The following LRP1B variants were observed in gnomAD, a reference collection of about 807,000 sequenced individuals.
The protein encoded by LRP1B is low-density lipoprotein receptor-related protein 1B.
A neutral mutation model predicts 556.6 loss-of-function variants in LRP1B; 217 were observed. The ratio of observed to expected loss-of-function variants is 0.39; its 90% confidence interval spans 0.35 to 0.44. LRP1B has a LOEUF of 0.44. LRP1B is among the 20% of genes least tolerant of loss of function. The probability of loss-of-function intolerance (pLI) is 1.00; values close to 1 mark genes in which losing one functional copy is unlikely to be tolerated. For missense variants in LRP1B, 5,053 were observed against 5,620.8 expected (o/e 0.90, Z 3.23); for synonymous variants, 2,047 against 1,865.8 (o/e 1.10, Z -2.50).
intron 7 of LRP1B, among the ~76,000 whole-genome samples, chr2:141,127,210 A>G (rs1200690330): frequency 6.6e-6 from 1 of 152,160 alleles, no homozygotes; most frequent in Non-Finnish European, 1.5e-5. Context: ...CACCAGTTAG[A>G]ATGGTGATAA....
At chr2:141,668,473 G>C (rs571235277) in intron 2 of LRP1B, among the ~76,000 whole-genome samples, 1 of 152,290 alleles carries the variant, frequency 6.6e-6, no homozygotes, top group South Asian at 2.1e-4. Context: ...CAGAAGAGAA[G>C]AGGAACAGAA....
intron 3 of LRP1B, among the ~76,000 whole-genome samples, chr2:141,308,557 T>C (rs1391393979): frequency 6.6e-6 from 1 of 152,216 alleles, no homozygotes; most frequent in Non-Finnish European, 1.5e-5. Flanking sequence ...AGGGATTTTA[T>C]ACTTTAAATG....
At chr2:141,631,043 AG>A (rs1454625163) in intron 2 of LRP1B, among the ~76,000 whole-genome samples, 4 of 152,176 alleles carry the variant, frequency 2.6e-5, no homozygotes, top group African/African-American at 7.2e-5. Flanking sequence ...TAATTTACAA[AG>A]GAAAGAGGTT....
At chr2:141,525,682 T>C (rs1000626491) in intron 2 of LRP1B, among the ~76,000 whole-genome samples, 1 of 151,996 alleles carries the variant, frequency 6.6e-6, no homozygotes, top group African/African-American at 2.4e-5. Context: ...GGAACTGATA[T>C]GCCATACTAA....
intron 2 of LRP1B, among the ~76,000 whole-genome samples, chr2:141,771,684 G>A (rs1016835811): frequency 2.0e-5 from 3 of 152,268 alleles, no homozygotes; most frequent in Non-Finnish European, 2.9e-5. Flanking sequence ...AATCCCCAAC[G>A]TAATGGTATT....
At chr2:140,425,051 A>T (rs1386310235) in intron 66 of LRP1B, among the ~76,000 whole-genome samples, 3 of 150,190 alleles carry the variant, frequency 2.0e-5, no homozygotes, top group Admixed American at 1.3e-4. Context: ...TCTTGGAGGG[A>T]CGTTTTTTTT....
intron 6 of LRP1B, among the ~76,000 whole-genome samples, chr2:141,191,038 G>A (rs1157591532): frequency 6.6e-6 from 1 of 151,864 alleles, no homozygotes; most frequent in Admixed American, 6.6e-5. Context: ...TTCCAAAGAT[G>A]GTGGGAAACA....
At chr2:142,012,204 T>A (rs1702978984) in intron 1 of LRP1B, among the ~76,000 whole-genome samples, 2 of 152,058 alleles carry the variant, frequency 1.3e-5, no homozygotes, top group Non-Finnish European at 2.9e-5. Flanking sequence ...TTTCACATTT[T>A]AGTTTTGATT....
At chr2:140,964,107 A>G (rs1266093783) in intron 18 of LRP1B, among the ~76,000 whole-genome samples, 2 of 151,934 alleles carry the variant, frequency 1.3e-5, no homozygotes, top group South Asian at 2.1e-4. Context: ...TCCACTGGAC[A>G]GGGGGCCCTT....
At chr2:140,546,438 T>A (rs62171873) in intron 43 of LRP1B, among the ~76,000 whole-genome samples, 1 of 151,916 alleles carries the variant, frequency 6.6e-6, no homozygotes, top group African/African-American at 2.4e-5. Flanking sequence ...GACCCACAGT[T>A]CAGCATGGCT....
At chr2:141,337,714 C>T (rs938037023) in intron 3 of LRP1B, among the ~76,000 whole-genome samples, 1 of 152,086 alleles carries the variant, frequency 6.6e-6, no homozygotes, top group African/African-American at 2.4e-5. Flanking sequence ...ATGGTTTTGG[C>T]ATTATTGTTT....
intron 32 of LRP1B, among the ~76,000 whole-genome samples, chr2:140,800,859 T>G (rs1690482829): frequency 6.6e-6 from 1 of 152,222 alleles, no homozygotes; most frequent in Non-Finnish European, 1.5e-5. Flanking sequence ...TTATACATCT[T>G]TCCTCTTACT....
intron 32 of LRP1B, among the ~76,000 whole-genome samples, chr2:140,795,621 G>T (rs1033086556): frequency 6.6e-6 from 1 of 151,990 alleles, no homozygotes; most frequent in Admixed American, 6.6e-5. Context: ...TGATATTCAG[G>T]CACTCATTAT....
intron 2 of LRP1B, among the ~76,000 whole-genome samples, chr2:141,531,838 G>C (rs543103149): frequency 4.8e-5 from 7 of 144,968 alleles, no homozygotes; most frequent in Non-Finnish European, 1.1e-4. Context: ...TTTTTGTAGG[G>C]GCATCCCACA....
chr2:141,695,127 AT>A (rs1208398281), intron 2 of LRP1B, among the ~76,000 whole-genome samples: 1 of 151,712 alleles, frequency 6.6e-6, no homozygotes, highest in South Asian at 2.1e-4. Flanking sequence ...CATGCCATTT[AT>A]TTTTTCCCAT....
chr2:141,292,921 C>A (rs1273158779), intron 3 of LRP1B, among the ~76,000 whole-genome samples: 2 of 152,034 alleles, frequency 1.3e-5, no homozygotes, highest in African/African-American at 4.8e-5. Context: ...ATAATATACC[C>A]TATTAGTTTA....
chr2:140,410,285 T>C (rs565937924), intron 66 of LRP1B, among the ~76,000 whole-genome samples: 2 of 152,254 alleles, frequency 1.3e-5, no homozygotes, highest in Admixed American at 1.3e-4. Context: ...TACATATCAA[T>C]AAATGATCAC....
chr2:141,639,329 T>C (rs1689229457), intron 2 of LRP1B, among the ~76,000 whole-genome samples: 9 of 23,330 alleles, frequency 3.9e-4, no homozygotes, highest in Middle Eastern at 0.022. Context: ...TATATATATA[T>C]ATATATATAT....
intron 2 of LRP1B, among the ~76,000 whole-genome samples, chr2:141,697,080 C>T (rs559215929): frequency 1.4e-4 from 21 of 151,748 alleles, no homozygotes; most frequent in Non-Finnish European, 1.9e-4. Flanking sequence ...GCTAGCCAGA[C>T]ATGTTTAAAC....
Sources: allele counts gnomAD v4.1 joint callset (sites outside exome capture counted in the v4.1 genomes callset), GRCh38; gene constraint gnomAD v4.1.1; transcripts MANE v1.5; gene names NCBI Gene and HGNC (gene_info 2026-07-23, HGNC 2026-07-21).